Variants in PLCB1 observed in about 807,000 individuals in gnomAD.
PLCB1 encodes the protein 1-phosphatidylinositol 4,5-bisphosphate phosphodiesterase beta-1.
A neutral mutation model predicts 161.8 loss-of-function variants in PLCB1; 46 were observed. The ratio of observed to expected loss-of-function variants is 0.28; its 90% CI spans 0.22 to 0.36. The LOEUF is 0.36. Among genes scored for constraint, PLCB1 ranks in the 10% least tolerant of loss-of-function variants. PLCB1 has a pLI of 1.00. For missense variants in PLCB1, 1,016 were observed against 1,472.5 expected (o/e 0.69, Z 5.07); for synonymous variants, 517 against 503.7 (o/e 1.03, Z -0.35).
At chr20:8,271,244 T>C (rs1982264622) in intron 2 of PLCB1, among the ~76,000 whole-genome samples, 1 of 152,170 alleles carries the variant, frequency 6.6e-6, no homozygotes, top group Non-Finnish European at 1.5e-5. Context: ...AATTTTTCTT[T>C]TGGCAGTTTA....
intron 3 of PLCB1, among the ~76,000 whole-genome samples, chr20:8,451,082 T>C (rs958061419): frequency 6.6e-6 from 1 of 152,186 alleles, no homozygotes; most frequent in African/African-American, 2.4e-5. Flanking sequence ...TTTACAATAA[T>C]ATATAGATTG....
At chr20:8,846,140 A>G (rs1986682688) in intron 31 of PLCB1, among the ~76,000 whole-genome samples, 1 of 152,354 alleles carries the variant, frequency 6.6e-6, no homozygotes, top group East Asian at 1.9e-4. Flanking sequence ...GCCTACAATC[A>G]TGGCAGAAGG....
At chr20:8,533,068 G>T (rs1984884901) in intron 3 of PLCB1, among the ~76,000 whole-genome samples, 1 of 140,170 alleles carries the variant, frequency 7.1e-6, no homozygotes, top group Admixed American at 8.1e-5. Flanking sequence ...CTGTGTCCAT[G>T]TGTTCTCATT....
At chr20:8,358,160 G>C (rs1022158250) in intron 2 of PLCB1, among the ~76,000 whole-genome samples, 2 of 134,520 alleles carry the variant, frequency 1.5e-5, no homozygotes, top group Non-Finnish European at 3.2e-5. Flanking sequence ...CAAGCCTTTG[G>C]GTTGAACCTA....
At chr20:8,874,658 T>G (rs934975408) in intron 31 of PLCB1, among the ~76,000 whole-genome samples, 8 of 152,114 alleles carry the variant, frequency 5.3e-5, no homozygotes, top group Non-Finnish European at 4.4e-5. Flanking sequence ...GCAAAAAATA[T>G]AGAGATAGAC....
In PLCB1 at chr20:8,882,572, C is replaced by T. The variant is rs1207409565; in HGVS notation, c.*723C>T. On this transcript the variant is annotated 3_prime_UTR_variant, in exon 32 of 32. Transcript: ENST00000338037. ...GCTGCATGAGCAAGTCGGCCGCACA[C>T]TTCCAGACAGTGTGCTGTTTGAATT... 1 of 152,712 alleles carries T rather than the reference C, an allele frequency of 6.5e-6. No individual in the cohort carries two copies. The highest frequency in any genetic ancestry group is 1.5e-5 in the Non-Finnish European group (1 of 68,102). The allele number at this position is 152,712 out of a possible 1,614,324, so 9.5% of individuals were successfully genotyped here.
chr20:8,861,773 A>G (rs963494929), intron 31 of PLCB1, among the ~76,000 whole-genome samples: 5 of 151,952 alleles, frequency 3.3e-5, no homozygotes, highest in Non-Finnish European at 1.5e-5. Flanking sequence ...CAATGTAGCA[A>G]AACCCCATCT....
chr20:8,876,053 C>G (rs561209539), intron 31 of PLCB1, among the ~76,000 whole-genome samples: 1 of 152,052 alleles, frequency 6.6e-6, no homozygotes, highest in African/African-American at 2.4e-5. Flanking sequence ...TGAACTTGAC[C>G]GTATTGCCTT....
intron 3 of PLCB1, among the ~76,000 whole-genome samples, chr20:8,487,281 A>G (rs1982768768): frequency 1.3e-5 from 2 of 152,226 alleles, no homozygotes; most frequent in African/African-American, 4.8e-5. Context: ...TTTTGTGACT[A>G]AATCCTAGAA....
Position 8,767,820 on chromosome 20 carries a change from G to A in PLCB1, c.2930+2462G>A, listed in dbSNP as rs112654262. Among the ~76,000 whole-genome samples the A allele has an allele frequency of 2.9e-3, 436 of 152,268 alleles. 2 individuals are homozygous for A. Among genetic ancestry groups the A allele is most frequent in the African/African-American group, 1.0e-2 (415 of 41,528 alleles). On this transcript the variant is annotated intron_variant, in intron 26 of 31. Transcript: ENST00000338037. ...CAGTTTCCTAGGATTGCTGTAAAAAGTACAGCAAACTGGATGGCTTAAAAC... is the reference window on the plus strand; with the variant it reads ...CAGTTTCCTAGGATTGCTGTAAAAAATACAGCAAACTGGATGGCTTAAAAC...
At chr20:8,720,147 T>A (rs1238702256) in intron 14 of PLCB1, among the ~76,000 whole-genome samples, 1 of 152,196 alleles carries the variant, frequency 6.6e-6, no homozygotes, top group African/African-American at 2.4e-5. Flanking sequence ...CACAACTCTA[T>A]CCGTTGAATG....
rs770870459 is a variant in PLCB1, at chr20:8,684,937, A to G, written c.868A>G (p.Ile290Val). ...PNNSLARKGQ[I>V]SVDGFMRYLS... is the part of the protein sequence containing the mutation. ...TCTAACTTCATTTCCTCCAGGACAA[A>G]TATCAGTGGATGGGTTCATGCGCTA... Residue 290 changes from isoleucine to valine, a missense_variant, in exon 10 of 32, where the codon ATA becomes GTA. Ile to Val is a conservative substitution (Grantham distance 29, BLOSUM62 3). This residue lies in a region of PLCB1 where 117 missense variants were observed against 142.2 expected (regional missense o/e 0.82). Coordinates refer to ENST00000338037, the MANE Select transcript of PLCB1 (RefSeq NM_015192.4). 3 of 1,613,060 alleles carry G rather than the reference A, an allele frequency of 1.9e-6. No homozygotes were observed. Among genetic ancestry groups the G allele is most frequent in the African/African-American group, 2.7e-5 (2 of 74,876 alleles).
intron 3 of PLCB1, among the ~76,000 whole-genome samples, chr20:8,419,630 T>G (rs1979452606): frequency 6.6e-6 from 1 of 151,420 alleles, no homozygotes; most frequent in Non-Finnish European, 1.5e-5. Flanking sequence ...ATGTTTAAGG[T>G]GGGCCAGACT....
intron 2 of PLCB1, among the ~76,000 whole-genome samples, chr20:8,349,128 A>T (rs566997568): frequency 5.9e-5 from 9 of 152,300 alleles, no homozygotes; most frequent in Middle Eastern, 3.4e-3. Context: ...CCATTGTGTA[A>T]TAGTTCAATA....
chr20:8,446,001 C>A (rs1980806923), intron 3 of PLCB1, among the ~76,000 whole-genome samples: 1 of 152,152 alleles, frequency 6.6e-6, no homozygotes, highest in South Asian at 2.1e-4. Context: ...GGTCCCATTC[C>A]TTCTGAAATT....
intron 3 of PLCB1, among the ~76,000 whole-genome samples, chr20:8,531,346 G>A (rs1984807047): frequency 6.6e-6 from 1 of 152,052 alleles, no homozygotes; most frequent in African/African-American, 2.4e-5. Flanking sequence ...TAGTACATGT[G>A]TTATGATGTT....
At chr20:8,405,042 A>G (rs1978723675) in intron 3 of PLCB1, among the ~76,000 whole-genome samples, 2 of 152,186 alleles carry the variant, frequency 1.3e-5, no homozygotes, top group South Asian at 4.1e-4. Flanking sequence ...TTCTCCATAT[A>G]GAAGACAGAA....
intron 31 of PLCB1, among the ~76,000 whole-genome samples, chr20:8,793,707 C>T (rs4260312): frequency 0.32 from 48,483 of 151,892 alleles, 8,304 homozygotes; most frequent in East Asian, 0.5. Context: ...ACCACAGGAC[C>T]GAGGCAAAAT....
At chr20:8,224,746 A>G (rs1022927510) in intron 2 of PLCB1, among the ~76,000 whole-genome samples, 4 of 152,066 alleles carry the variant, frequency 2.6e-5, no homozygotes, top group Non-Finnish European at 4.4e-5. Flanking sequence ...TTCTGGCACC[A>G]TCCCCCCGCC....
Sources: gnomAD v4.1 joint callset for allele counts (sites outside exome capture counted in the v4.1 genomes callset) on GRCh38, gnomAD v4.1.1 for gene constraint, gnomAD v4.1.1 regional missense constraint, MANE v1.5 for transcripts, NCBI Gene and HGNC (gene_info 2026-07-23, HGNC 2026-07-21) for gene names.